SLA2: variants seen among roughly 807,000 people sequenced by gnomAD.
The protein encoded by SLA2 is src-like-adapter 2.
SLA2 carries 22 observed loss-of-function variants against 27.3 expected under a neutral mutation model. The ratio of observed to expected loss-of-function variants is 0.81; its 90% confidence interval spans 0.58 to 1.15. SLA2 has a LOEUF of 1.15. Among genes scored for constraint, SLA2 ranks in the 50% most tolerant of loss-of-function variants. SLA2 has a pLI of 0.00. For synonymous variants in SLA2, 131 were observed against 137.8 expected, an observed-to-expected ratio of 0.95 and a Z score of 0.34; for missense variants, 304 against 322.2, an observed-to-expected ratio of 0.94 and a Z score of 0.43.
chr20:36,612,585 T>C lies in SLA2; in HGVS notation c.*1281A>G. On this transcript the variant is annotated 3_prime_UTR_variant, in exon 8 of 8. Transcript: ENST00000262866. ...TGTTGATGATACCTGATAAAGCCTT[T>C]CCCACCCCACCTGTAGCTTGGGAAC... 1 of 282,180 alleles carries C rather than the reference T, an allele frequency of 3.5e-6. No homozygotes were observed. Among genetic ancestry groups the C allele is most frequent in the Non-Finnish European group, 7.0e-6 (1 of 142,744 alleles). The allele number at this position is 282,180 out of a possible 1,614,324, so 17.5% of individuals were successfully genotyped here. A position where few individuals can be genotyped will look rare whatever the true frequency, so the allele number is the denominator to read the frequency against.
chr20:36,614,627 GAGAC>G (rs1474263600), intron 6 of SLA2, 190 bp from the exon 7 acceptor site: 2 of 985,290 alleles, frequency 2.0e-6, no homozygotes, highest in African/African-American at 3.5e-5. Context: ...TAACTTTTGG[GAGAC>G]AGTCACTGTA....
At chr20:36,639,443 T>C (rs2039484851) in intron 2 of SLA2, among the ~76,000 whole-genome samples, 1 of 152,078 alleles carries the variant, frequency 6.6e-6, no homozygotes, top group Non-Finnish European at 1.5e-5. Context: ...GTTGTGTTTC[T>C]CTGGAGAACC....
chr20:36,629,020 A>G (rs1317068181), intron 5 of SLA2, among the ~76,000 whole-genome samples: 1 of 151,484 alleles, frequency 6.6e-6, no homozygotes, highest in Non-Finnish European at 1.5e-5. Flanking sequence ...TCCTTTTGGA[A>G]TTGACTATGG....
chr20:36,615,392 CA>C lies in SLA2; in HGVS notation c.383-19del. The C allele has an allele frequency of 5.0e-6, 8 of 1,612,638 alleles. No individual in the cohort carries two copies. Among genetic ancestry groups the C allele is most frequent in the Non-Finnish European group, 5.9e-6 (7 of 1,179,938 alleles). On this transcript the variant is annotated intron_variant, in intron 5 of 7. Coordinates refer to ENST00000262866, the MANE Select transcript of SLA2 (RefSeq NM_032214.4). The stretch of plus-strand genomic sequence containing the variant: ...GTAAGAGCCTGAGGAGAAAGGGGTC[CA>C]GGGGTGGCACTGAGGCCCTGCTGGG...
At chr20:36,618,893 G>C (rs2039245270) in intron 5 of SLA2, among the ~76,000 whole-genome samples, 1 of 100,140 alleles carries the variant, frequency 1.0e-5, no homozygotes, top group Non-Finnish European at 1.8e-5. Flanking sequence ...GGGAACAAGA[G>C]TGAACTCCAT....
At chr20:36,617,275 G>A (rs183087165) in intron 5 of SLA2, among the ~76,000 whole-genome samples, 1 of 152,018 alleles carries the variant, frequency 6.6e-6, no homozygotes, top group Non-Finnish European at 1.5e-5. Flanking sequence ...GTTGAGGCAG[G>A]AGAATTGCTT....
intron 1 of SLA2, among the ~76,000 whole-genome samples, chr20:36,642,375 A>G (rs2039515689): frequency 6.7e-6 from 1 of 149,936 alleles, no homozygotes. Context: ...TGTTTCCTTT[A>G]CCACGTCCTG....
At chr20:36,639,334 C>T (rs2039483225) in intron 2 of SLA2, among the ~76,000 whole-genome samples, 1 of 151,914 alleles carries the variant, frequency 6.6e-6, no homozygotes, top group Admixed American at 6.6e-5. Context: ...TCCAGTCTGC[C>T]CTGCAGATTT....
chr20:36,632,285 G>A (rs2039400661), intron 5 of SLA2, among the ~76,000 whole-genome samples: 1 of 152,038 alleles, frequency 6.6e-6, no homozygotes, highest in African/African-American at 2.4e-5. Context: ...GGATCCTGTG[G>A]GAACATCCCT....
chr20:36,613,243 C>A lies in SLA2; in HGVS notation c.*623G>T. On this transcript the variant is annotated 3_prime_UTR_variant, in exon 8 of 8. Transcript: ENST00000262866. Reference sequence around the variant, plus strand: ...TCAAAAAAAAGAAAAAGAGCTGGGGCTGTTGTCCTCAATGGGGGACATTTG... The same window carrying A: ...TCAAAAAAAAGAAAAAGAGCTGGGGATGTTGTCCTCAATGGGGGACATTTG... 6.6e-6 allele frequency: 1 copy of A among 152,498 alleles called. No individual in the cohort carries two copies. The highest frequency in any genetic ancestry group is 1.5e-5 in the Non-Finnish European group (1 of 68,194). The allele number at this position is 152,498 out of a possible 1,614,324, so 9.4% of individuals were successfully genotyped here.
At chr20:36,632,197 C>G (rs1010866433) in intron 5 of SLA2, among the ~76,000 whole-genome samples, 1 of 152,146 alleles carries the variant, frequency 6.6e-6, no homozygotes, top group African/African-American at 2.4e-5. Flanking sequence ...TGTGCTGGAG[C>G]TTGCTCACTT....
chr20:36,613,627 G>A lies in SLA2; in HGVS notation c.*239C>T. 1 of 440,202 alleles carries A rather than the reference G, an allele frequency of 2.3e-6. No individual in the cohort carries two copies. Among genetic ancestry groups the A allele is most frequent in the Non-Finnish European group, 4.0e-6 (1 of 248,486 alleles). 27.3% of individuals were successfully genotyped at this position (440,202 alleles called of 1,614,324 possible). ...TTCTCTTTTTGGAACCCTGGCCCTG[G>A]TCCCACCTTCTCTGCACTCGCACTA... On this transcript the variant is annotated 3_prime_UTR_variant, in exon 8 of 8. Coordinates refer to ENST00000262866, the MANE Select transcript of SLA2 (RefSeq NM_032214.4).
chr20:36,645,165 A>AC (rs74173989), intron 1 of SLA2, among the ~76,000 whole-genome samples: 23 of 137,876 alleles, frequency 1.7e-4, no homozygotes, highest in African/African-American at 3.0e-4. Context: ...CATAGTGAGA[A>AC]CCCCCACCCC....
At chr20:36,633,999 A>AT (rs1439010649) in intron 3 of SLA2, among the ~76,000 whole-genome samples, 2 of 150,708 alleles carry the variant, frequency 1.3e-5, no homozygotes, top group Non-Finnish European at 3.0e-5. Flanking sequence ...TCCTTCTTTT[A>AT]TTTTTTTGAG....
At chr20:36,622,819 T>C (rs1388580350) in intron 5 of SLA2, among the ~76,000 whole-genome samples, 1 of 152,190 alleles carries the variant, frequency 6.6e-6, no homozygotes, top group African/African-American at 2.4e-5. Context: ...CAAAATAATC[T>C]TCCCACCTCA....
chr20:36,621,054 CTG>C (rs1001671544), intron 5 of SLA2: 41 of 357,102 alleles, frequency 1.1e-4, no homozygotes, highest in Admixed American at 9.3e-4. Context: ...GAAGAGAAGA[CTG>C]TGGTGGTGGA....
intron 5 of SLA2, among the ~76,000 whole-genome samples, chr20:36,630,715 C>T (rs1489459362): frequency 6.6e-6 from 1 of 152,234 alleles, no homozygotes; most frequent in Non-Finnish European, 1.5e-5. Context: ...GTGGGGGCTG[C>T]TGCTCCTTCA....
chr20:36,628,410 G>A (rs1258375212), intron 5 of SLA2, among the ~76,000 whole-genome samples: 1 of 152,176 alleles, frequency 6.6e-6, no homozygotes, highest in Non-Finnish European at 1.5e-5. Context: ...TGGTCCAGAC[G>A]CACTAAATTA....
At position 36,613,007 on chromosome 20, in the gene SLA2, C is replaced by G. The variant is rs757840470; in HGVS notation, c.*859G>C. 8 of 152,444 alleles carry G rather than the reference C, an allele frequency of 5.2e-5. No homozygotes were observed. The highest frequency in any genetic ancestry group is 1.2e-4 in the Non-Finnish European group (8 of 68,220). 9.4% of individuals were successfully genotyped at this position (152,444 alleles called of 1,614,324 possible). On this transcript the variant is annotated 3_prime_UTR_variant, in exon 8 of 8. Coordinates refer to ENST00000262866, the MANE Select transcript of SLA2 (RefSeq NM_032214.4). Reference sequence around the variant, plus strand: ...CCAAGGTGGGTGGATCACCTGAGGTCAGGAGTTCGACACCAGCCTGGCCAA... The same window carrying G: ...CCAAGGTGGGTGGATCACCTGAGGTGAGGAGTTCGACACCAGCCTGGCCAA...
Sources: allele counts gnomAD v4.1 joint callset (sites outside exome capture counted in the v4.1 genomes callset), GRCh38; gene constraint gnomAD v4.1.1; transcripts MANE v1.5; gene names NCBI Gene and HGNC (gene_info 2026-07-23, HGNC 2026-07-21).